The following SPAG9 variants were observed in gnomAD, a reference collection of about 807,000 sequenced individuals.
SPAG9 encodes sperm associated antigen 9.
In SPAG9, 35 loss-of-function variants were observed where a neutral mutation model predicts 166.5. The ratio of observed to expected loss-of-function variants is 0.21; its 90% CI spans 0.16 to 0.28. The LOEUF (loss-of-function observed/expected upper bound fraction) is 0.28. SPAG9 is among the 10% of genes least tolerant of loss of function. The pLI, the probability that SPAG9 is intolerant of heterozygous loss-of-function variation, is 1.00. For missense variants in SPAG9, 1,235 were observed against 1,603.3 expected (o/e 0.77, Z 3.92); for synonymous variants, 534 against 565.5 (o/e 0.94, Z 0.79).
intron 27 of SPAG9, chr17:50,975,837 G>A: frequency 6.6e-7 from 1 of 1,524,662 alleles, no homozygotes; most frequent in South Asian, 1.2e-5. Flanking sequence ...CCAGGAAGAA[G>A]AGTTTGGTTC....
chr17:51,056,590 C>T, intron 2 of SPAG9, 108 bp from the exon 3 acceptor site: 5 of 680,282 alleles, frequency 7.3e-6, no homozygotes, highest in Non-Finnish European at 1.3e-5. Flanking sequence ...AACTTTCAGA[C>T]TCAGTGTTCC....
chr17:50,992,786 T>C (rs1975701084), intron 19 of SPAG9, among the ~76,000 whole-genome samples: 1 of 152,130 alleles, frequency 6.6e-6, no homozygotes, highest in Non-Finnish European at 1.5e-5. Context: ...GTGGATCACC[T>C]GAGGTCAGGA....
intron 1 of SPAG9, among the ~76,000 whole-genome samples, chr17:51,106,808 A>G (rs1011771663): frequency 4.0e-5 from 6 of 151,760 alleles, no homozygotes; most frequent in African/African-American, 1.5e-4. Flanking sequence ...ATTTTTAAAA[A>G]TAAAAATAAA....
At chr17:51,024,045 C>T (rs987669382) in intron 6 of SPAG9, among the ~76,000 whole-genome samples, 1 of 152,062 alleles carries the variant, frequency 6.6e-6, no homozygotes, top group Non-Finnish European at 1.5e-5. Flanking sequence ...CCTGAAATCC[C>T]GACATTTTGG....
At chr17:50,966,423 C>G in intron 29 of SPAG9, 36 bp from the exon 30 acceptor site, 1 of 1,248,964 alleles carries the variant, frequency 8.0e-7, no homozygotes, top group Non-Finnish European at 1.2e-6. Context: ...TTAGGCTGAA[C>G]ACATAAAATA....
Position 51,120,591 on chromosome 17 carries a change from C to G in SPAG9, c.66G>C (p.Glu22Asp). 6.2e-7 allele frequency: 1 copy of G among 1,613,272 alleles called. No individual in the cohort carries two copies. Among genetic ancestry groups the G allele is most frequent in the Non-Finnish European group, 8.5e-7 (1 of 1,179,690 alleles). Residue 22 changes from glutamate to aspartate, a missense_variant, in exon 1 of 30, where the codon GAG becomes GAC. Transcript: ENST00000262013. This position sits in a 1 kb window ranked among gnomAD's most constrained non-coding sequence, Gnocchi z 4.7. ...TGGAGCCGGCCAGGCCGGACACCCG[C>G]TCCGACATCACGGCCCCGGAGCCGC... ...EPGGSGAVMS[E>D]RVSGLAGSIY...
At chr17:50,967,837 A>G (rs1251295973) in intron 29 of SPAG9, among the ~76,000 whole-genome samples, 2 of 152,264 alleles carry the variant, frequency 1.3e-5, no homozygotes. Context: ...ACAACAGTAT[A>G]TTCACTATTA....
intron 1 of SPAG9, among the ~76,000 whole-genome samples, chr17:51,081,019 C>T (rs1249748116): frequency 6.6e-6 from 1 of 151,726 alleles, no homozygotes. Flanking sequence ...ACTCTGGAGT[C>T]AGCTTTGACT....
In SPAG9 at chr17:50,964,314, G is replaced by GC. The variant is rs1041620426; in HGVS notation, c.*1957dup. On this transcript the variant is annotated 3_prime_UTR_variant, in exon 30 of 30. Coordinates refer to ENST00000262013, the MANE Select transcript of SPAG9 (RefSeq NM_001130528.3). The stretch of plus-strand genomic sequence containing the variant: ...ACATTTAGCTTTGCTTCGGACCGGC[G>GC]CGGGGGCTCACGCCTGTAATTCAAG... 3 of 152,246 alleles carry GC rather than the reference G, an allele frequency of 2.0e-5. No homozygotes were observed. Among genetic ancestry groups the GC allele is most frequent in the Non-Finnish European group, 4.4e-5 (3 of 68,088 alleles). 9.4% of individuals were successfully genotyped at this position (152,246 alleles called of 1,614,324 possible).
At chr17:50,996,304 A>G (rs1051582431) in intron 16 of SPAG9, 6 of 408,190 alleles carry the variant, frequency 1.5e-5, no homozygotes, top group East Asian at 4.0e-5. Flanking sequence ...TGGTTACAGC[A>G]GAGCGGGTAC....
At chr17:51,043,047 G>A (rs1259633943) in intron 4 of SPAG9, among the ~76,000 whole-genome samples, 3 of 152,018 alleles carry the variant, frequency 2.0e-5, no homozygotes, top group Admixed American at 6.6e-5. Context: ...TTACCACCAC[G>A]TCTGGCTAAT....
intron 5 of SPAG9, among the ~76,000 whole-genome samples, chr17:51,033,936 G>A (rs547332482): frequency 1.3e-5 from 2 of 152,198 alleles, no homozygotes; most frequent in African/African-American, 2.4e-5. Context: ...TTTAAACACC[G>A]CCATTTTGAA....
At chr17:50,971,767 CTTTA>C (rs1027610614) in intron 28 of SPAG9, among the ~76,000 whole-genome samples, 7 of 149,220 alleles carry the variant, frequency 4.7e-5, no homozygotes, top group African/African-American at 1.5e-4. Context: ...GCCCAAATTA[CTTTA>C]TTTATTTATT....
At chr17:50,973,150 G>C (rs1014968232) in intron 28 of SPAG9, among the ~76,000 whole-genome samples, 1 of 152,156 alleles carries the variant, frequency 6.6e-6, no homozygotes, top group Non-Finnish European at 1.5e-5. Context: ...GCAAGTTGTA[G>C]AAGCATACAT....
chr17:51,053,254 GT>G lies in SPAG9; in HGVS notation c.495+3157del, dbSNP rs569709398. On this transcript the variant is annotated intron_variant, in intron 3 of 29. Coordinates refer to ENST00000262013, the MANE Select transcript of SPAG9 (RefSeq NM_001130528.3). ...AAATTTATCAATTATAATGGATACA[GT>G]GGCTCACACCTATAATCCCAGCACT... 1.9e-3 allele frequency among the ~76,000 whole-genome samples: 284 copies of G among 151,622 alleles called. 1 individual carries two copies. In the Middle Eastern group the frequency reaches 0.028, roughly 15 times the overall value.
chr17:50,996,652 C>A lies in SPAG9; in HGVS notation c.1881G>T (p.Glu627Asp). 1 of 1,614,130 alleles carries A rather than the reference C, an allele frequency of 6.2e-7. No homozygotes were observed. Among genetic ancestry groups the A allele is most frequent in the Non-Finnish European group, 8.5e-7 (1 of 1,179,988 alleles). ...SLASRREQKR[E>D]QYRQVKAHVQ... Reference sequence around the variant, plus strand: ...CATGTGCTTTTACCTGACGATACTGCTCTCTCTTTTGTTCTCTGCGTGAGG... The same window carrying A: ...CATGTGCTTTTACCTGACGATACTGATCTCTCTTTTGTTCTCTGCGTGAGG... The change falls in exon 16 of 30, where the codon GAG becomes GAT. Residue 627 changes from glutamate to aspartate, a missense_variant. By Grantham distance (45) the Glu-to-Asp change is conservative (BLOSUM62 2). This residue lies in a region of SPAG9 where 493 missense variants were observed against 559.4 expected (regional missense o/e 0.88). Coordinates refer to ENST00000262013, the MANE Select transcript of SPAG9 (RefSeq NM_001130528.3).
At chr17:50,977,343 G>T in intron 26 of SPAG9, 122 bp from the exon 27 acceptor site, 2 of 665,806 alleles carry the variant, frequency 3.0e-6, no homozygotes, top group Non-Finnish European at 5.3e-6. Flanking sequence ...AGTAGTAGCA[G>T]GATTGATACA....
At chr17:50,968,515 G>C (rs1156421848) in intron 29 of SPAG9, among the ~76,000 whole-genome samples, 2 of 152,152 alleles carry the variant, frequency 1.3e-5, no homozygotes, top group African/African-American at 4.8e-5. Context: ...TGGACTGTTT[G>C]AGGCCAGGAG....
At chr17:51,026,073 T>G (rs1184227171) in intron 6 of SPAG9, among the ~76,000 whole-genome samples, 2 of 151,960 alleles carry the variant, frequency 1.3e-5, no homozygotes, top group Non-Finnish European at 2.9e-5. Flanking sequence ...TAATTTGAGG[T>G]CAATCTTGGA....
Sources: allele counts gnomAD v4.1 joint callset (sites outside exome capture counted in the v4.1 genomes callset), GRCh38; gene constraint gnomAD v4.1.1; regional missense constraint gnomAD v4.1.1; non-coding constraint Gnocchi (gnomAD v3.1); transcripts MANE v1.5; gene names NCBI Gene and HGNC (gene_info 2026-07-23, HGNC 2026-07-21).